The following FBXL18 variants were observed in gnomAD, a reference collection of about 807,000 sequenced individuals.
FBXL18 encodes F-box and leucine rich repeat protein 18.
Under a neutral mutation model 46.0 loss-of-function variants are expected in FBXL18, and 36 were observed. The ratio of observed to expected loss-of-function variants is 0.78; its 90% confidence interval spans 0.60 to 1.03. FBXL18 has a LOEUF of 1.03. Ranked by LOEUF, FBXL18 falls within the 50% of genes least tolerant of loss-of-function variation. The pLI is 0.00. For synonymous variants in FBXL18, 557 were observed against 465.3 expected, an observed-to-expected ratio of 1.20 and a Z score of -2.54; for missense variants, 977 against 1,004.1, an observed-to-expected ratio of 0.97 and a Z score of 0.36.
downstream of FBXL18, among the ~76,000 whole-genome samples, chr7:5,475,611 G>A (rs1584193280): frequency 6.6e-6 from 1 of 152,194 alleles, no homozygotes; most frequent in East Asian, 1.9e-4. The surrounding 1 kb of genome is among the most constrained non-coding windows in gnomAD (Gnocchi z 4.2). Context: ...CCCCTGGGGA[G>A]TGTCTGCCCC....
chr7:5,481,923 G>T lies in FBXL18; in HGVS notation c.2009C>A (p.Ala670Asp). The T allele has an allele frequency of 1.2e-6, 2 of 1,604,534 alleles. No individual in the cohort carries two copies. Among genetic ancestry groups the T allele is most frequent in the South Asian group, 2.2e-5 (2 of 90,096 alleles). The part of the protein sequence containing the change: ...LQQSLLRSFQ[A>D]ERPALNVVIF... ...GACGACGTTTAACGCGGGCCGCTCG[G>T]CCTGGAAGCTGAACCAGAGACAGGC... The change falls in exon 5 of 5, where the codon GCC becomes GAC. Residue 670 changes from alanine to aspartate, a missense_variant. Transcript: ENST00000382368.
intron 4 of FBXL18, among the ~76,000 whole-genome samples, chr7:5,461,805 A>T (rs964027498): frequency 4.6e-5 from 7 of 152,020 alleles, no homozygotes; most frequent in African/African-American, 1.7e-4. Context: ...GCCAGGCATG[A>T]TGGCGGGCGC....
At chr7:5,484,883 C>G (rs1196107586) in intron 4 of FBXL18, among the ~76,000 whole-genome samples, 2 of 152,134 alleles carry the variant, frequency 1.3e-5, no homozygotes, top group African/African-American at 4.8e-5. Flanking sequence ...AAGTGATCCA[C>G]CCGCCTCAGC....
In FBXL18 at chr7:5,491,545, C is replaced by T. The variant is rs913308813; in HGVS notation, c.1782-96G>A. On this transcript the variant is annotated intron_variant, in intron 3 of 4. Coordinates refer to ENST00000382368, the MANE Select transcript of FBXL18 (RefSeq NM_024963.6). Reference sequence around the variant, plus strand: ...GGTGCTGCCAGTGGAAGCTTCCTGGCCTGGGGCCCAGCCCAGCTGTTCCCG... The same window carrying T: ...GGTGCTGCCAGTGGAAGCTTCCTGGTCTGGGGCCCAGCCCAGCTGTTCCCG... The T allele has an allele frequency of 2.3e-5, 25 of 1,067,154 alleles. No individual in the cohort carries two copies. The Admixed American group carries it at 4.2e-4, about 18-fold the overall frequency. 66.1% of individuals were successfully genotyped at this position (1,067,154 alleles called of 1,614,324 possible).
rs780450600 is a variant in FBXL18 at position 5,500,593 on chromosome 7, T to C, written c.1676A>G (p.Gln559Arg). ...GLVNIGLQCQ[Q>R]LRSLSLANLG... ...GTTGGCCAGCGACAGGGACCGCAACTGCTGGCACTGCAGGCCGATATTGAC... is the reference window on the plus strand; with the variant it reads ...GTTGGCCAGCGACAGGGACCGCAACCGCTGGCACTGCAGGCCGATATTGAC... The change falls in exon 3 of 5, where the codon CAG becomes CGG. Residue 559 changes from glutamine to arginine, a missense_variant. Transcript: ENST00000382368. 7 of 1,613,436 alleles carry C rather than the reference T, an allele frequency of 4.3e-6. No individual in the cohort carries two copies. The highest frequency in any genetic ancestry group is 5.9e-6 in the Non-Finnish European group (7 of 1,179,886).
At chr7:5,486,953 A>T (rs1584209866) in intron 4 of FBXL18, among the ~76,000 whole-genome samples, 1 of 152,262 alleles carries the variant, frequency 6.6e-6, no homozygotes, top group Non-Finnish European at 1.5e-5. Context: ...GACGAGAAAG[A>T]GAAAAGCGTC....
intron 4 of FBXL18, among the ~76,000 whole-genome samples, chr7:5,460,878 G>T (rs1042219934): frequency 4.6e-5 from 7 of 152,216 alleles, no homozygotes; most frequent in Non-Finnish European, 8.8e-5. Context: ...AGCTGCAAGG[G>T]CGTTCTCACC....
At chr7:5,469,271 G>C (rs1783390595) in intron 4 of FBXL18, among the ~76,000 whole-genome samples, 1 of 152,140 alleles carries the variant, frequency 6.6e-6, no homozygotes, top group Non-Finnish European at 1.5e-5. Context: ...AATCAGCCAG[G>C]CATGGTGGCG....
intron 1 of FBXL18, among the ~76,000 whole-genome samples, chr7:5,508,717 A>G (rs1214412870): frequency 6.6e-6 from 1 of 152,222 alleles, no homozygotes; most frequent in East Asian, 1.9e-4. Context: ...AACCTTTATC[A>G]GAACCAGAGA....
intron 2 of FBXL18, among the ~76,000 whole-genome samples, chr7:5,502,558 C>T (rs541900055): frequency 6.6e-6 from 1 of 151,680 alleles, no homozygotes; most frequent in African/African-American, 2.4e-5. Flanking sequence ...AGGCCGGGCC[C>T]GGTGGCTCAC....
chr7:5,490,298 C>T (rs1289627855), intron 4 of FBXL18: 3 of 1,185,980 alleles, frequency 2.5e-6, no homozygotes, highest in African/African-American at 3.2e-5. Context: ...CTGATCACTC[C>T]AGCAGTCAGC....
rs1335849735 is a variant in FBXL18 at position 5,512,105 on chromosome 7, C to T, written c.18+1552G>A. On this transcript the variant is annotated intron_variant, in intron 1 of 4. Transcript: ENST00000382368. ...AAAAAAAACCAAAAAATTAGCTGGG[C>T]GTGGTGGCGGGCGCCCGTAGTCCCA... Among the ~76,000 whole-genome samples the T allele has an allele frequency of 1.2e-4, 18 of 145,738 alleles. No individual in the cohort carries two copies. In the South Asian group the frequency reaches 3.1e-3, roughly 25 times the overall value.
In FBXL18 at chr7:5,476,886, C is replaced by G. The variant is rs1783528223; in HGVS notation, c.*4889G>C. 6.7e-6 allele frequency: 1 copy of G among 149,920 alleles called. No individual in the cohort carries two copies. Among genetic ancestry groups the G allele is most frequent in the African/African-American group, 2.5e-5 (1 of 40,410 alleles). The allele number at this position is 149,920 out of a possible 1,614,324, so 9.3% of individuals were successfully genotyped here. A position where few individuals can be genotyped will look rare whatever the true frequency, so the allele number is the denominator to read the frequency against. On this transcript the variant is annotated 3_prime_UTR_variant, in exon 5 of 5. Coordinates refer to ENST00000382368, the MANE Select transcript of FBXL18 (RefSeq NM_024963.6). Reference sequence around the variant, plus strand: ...TCATGCCCAGTAGATCTAGAAACTTCTTTTGTTTTTTTTTTTTTTGAGACG... The same window carrying G: ...TCATGCCCAGTAGATCTAGAAACTTGTTTTGTTTTTTTTTTTTTTGAGACG...
At chr7:5,460,866 C>T (rs1783234493) in intron 4 of FBXL18, among the ~76,000 whole-genome samples, 1 of 152,202 alleles carries the variant, frequency 6.6e-6, no homozygotes, top group South Asian at 2.1e-4. Context: ...ATTTGTTCCA[C>T]CAGCTGCAAG....
chr7:5,512,871 C>T (rs1784575848), intron 1 of FBXL18, among the ~76,000 whole-genome samples: 1 of 152,138 alleles, frequency 6.6e-6, no homozygotes, highest in Non-Finnish European at 1.5e-5. Flanking sequence ...AGACCCTGCC[C>T]CATCACTCTG....
At chr7:5,463,741 T>TTTTTTTA (rs1562672351) in intron 4 of FBXL18, among the ~76,000 whole-genome samples, 40 of 46,200 alleles carry the variant, frequency 8.7e-4, no homozygotes, top group Admixed American at 1.6e-3. Flanking sequence ...TTTTTTTTTT[T>TTTTTTTA]TTTTTTTTTT....
rs1783527214 is a variant in FBXL18, at chr7:5,476,845, G to T, written c.*4930C>A. On this transcript the variant is annotated 3_prime_UTR_variant, in exon 5 of 5. Coordinates refer to ENST00000382368, the MANE Select transcript of FBXL18 (RefSeq NM_024963.6). ...GCCACCACTGGGTTCCTCAGTGTCT[G>T]TGGGGTTTGTGTTCATCATGCCCAG... 6.6e-6 allele frequency: 1 copy of T among 151,766 alleles called. No homozygotes were observed. Among genetic ancestry groups the T allele is most frequent in the South Asian group, 2.1e-4 (1 of 4,820 alleles). The allele number at this position is 151,766 out of a possible 1,614,324, so 9.4% of individuals were successfully genotyped here. A position where few individuals can be genotyped will look rare whatever the true frequency, so the allele number is the denominator to read the frequency against.
At chr7:5,489,943 T>TCAAA in intron 4 of FBXL18, 1 of 1,254,818 alleles carries the variant, frequency 8.0e-7, no homozygotes, top group Non-Finnish European at 1.1e-6. Flanking sequence ...AGACTCTGTC[T>TCAAA]CAAACAAACA....
At chr7:5,507,024 G>C (rs747259029) in intron 1 of FBXL18, among the ~76,000 whole-genome samples, 3 of 152,188 alleles carry the variant, frequency 2.0e-5, no homozygotes, top group Admixed American at 6.5e-5. Context: ...AAGGCAGAAG[G>C]CTTTACCAAG....
Sources: allele counts gnomAD v4.1 joint callset (sites outside exome capture counted in the v4.1 genomes callset), GRCh38; gene constraint gnomAD v4.1.1; non-coding constraint Gnocchi (gnomAD v3.1); transcripts MANE v1.5; gene names NCBI Gene and HGNC (gene_info 2026-07-23, HGNC 2026-07-21).